RPS6KA2: variants seen among roughly 807,000 people sequenced by gnomAD.
RPS6KA2 encodes the protein ribosomal protein S6 kinase A2.
RPS6KA2 carries 42 observed loss-of-function variants against 91.8 expected under a neutral mutation model. The ratio of observed to expected loss-of-function variants is 0.46; its 90% CI spans 0.36 to 0.59. RPS6KA2 has a LOEUF of 0.59. RPS6KA2 is among the 20% of genes least tolerant of loss of function. The pLI is 0.00. For missense variants in RPS6KA2, 798 were observed against 978.5 expected (o/e 0.82, Z 2.46); for synonymous variants, 414 against 393.6 (o/e 1.05, Z -0.61).
chr6:166,672,429 T>C (rs966858039), intron 2 of RPS6KA2, among the ~76,000 whole-genome samples: 17 of 152,238 alleles, frequency 1.1e-4, no homozygotes, highest in African/African-American at 4.1e-4. Context: ...ACTGATTTCC[T>C]GACCTGTCCC....
rs1029253641 is a variant in RPS6KA2 at position 166,557,011 on chromosome 6, G to T, written c.100-18227C>A. 6.6e-6 allele frequency among the ~76,000 whole-genome samples: 1 copy of T among 152,264 alleles called. No individual in the cohort carries two copies. The highest frequency in any genetic ancestry group is 1.5e-5 in the Non-Finnish European group (1 of 68,044). The stretch of plus-strand genomic sequence containing the variant: ...CCACGAGTTCTCAGGCAAGTGCCAA[G>T]AAACCTGCATGCCAGCAACCAGACC... On this transcript the variant is annotated intron_variant, in intron 1 of 20. Coordinates refer to ENST00000265678, the MANE Select transcript of RPS6KA2 (RefSeq NM_021135.6). This position sits in a 1 kb window ranked among gnomAD's most constrained non-coding sequence, Gnocchi z 4.8.
At chr6:166,523,875 T>C (rs1583238050) in intron 3 of RPS6KA2, among the ~76,000 whole-genome samples, 1 of 151,838 alleles carries the variant, frequency 6.6e-6, no homozygotes, top group African/African-American at 2.4e-5. Context: ...TCCGAGGAGG[T>C]TCTATTTCAA....
chr6:166,487,476 G>A (rs1781450892), intron 10 of RPS6KA2, among the ~76,000 whole-genome samples: 1 of 150,132 alleles, frequency 6.7e-6, no homozygotes. Flanking sequence ...AATGAAAACA[G>A]GCTGAGTGGA....
chr6:166,799,606 T>A (rs1375495140), intron 2 of RPS6KA2, among the ~76,000 whole-genome samples: 9 of 52,370 alleles, frequency 1.7e-4, no homozygotes, highest in Admixed American at 1.2e-3. Context: ...TTTTTTTTTT[T>A]AAAAGGATGA....
chr6:166,605,567 C>G (rs896196450), intron 1 of RPS6KA2, among the ~76,000 whole-genome samples: 5 of 151,934 alleles, frequency 3.3e-5, no homozygotes, highest in Middle Eastern at 3.2e-3. Flanking sequence ...GACATTAGAA[C>G]AAAAAATTAG....
At chr6:166,625,918 G>T (rs3799566) in intron 1 of RPS6KA2, among the ~76,000 whole-genome samples, 25,436 of 152,102 alleles carry the variant, frequency 0.17, 2,159 homozygotes, top group East Asian at 0.22. Context: ...GTCTCTCAAT[G>T]GTTACAGAAC....
chr6:166,658,025 G>A (rs536767737), intron 2 of RPS6KA2, among the ~76,000 whole-genome samples: 1 of 152,298 alleles, frequency 6.6e-6, no homozygotes, highest in South Asian at 2.1e-4. Flanking sequence ...CTGGGATACA[G>A]GCATGTGCCA....
At chr6:166,511,354 T>A (rs1782474357) in intron 3 of RPS6KA2, among the ~76,000 whole-genome samples, 1 of 152,170 alleles carries the variant, frequency 6.6e-6, no homozygotes, top group Non-Finnish European at 1.5e-5. Flanking sequence ...GAACTGGAAA[T>A]CAAGAGGAAG....
rs753278082 is a variant in RPS6KA2, at chr6:166,538,793, G to A, written c.100-9C>T. 16 of 1,472,964 alleles carry A rather than the reference G, an allele frequency of 1.1e-5. No individual in the cohort carries two copies. In the South Asian group the frequency reaches 1.6e-4, roughly 15 times the overall value. 91.2% of individuals were successfully genotyped at this position (1,472,964 alleles called of 1,614,324 possible). ...TTCACGACGCCTTCTTCCTGCAAGA[G>A]AGCGGCACGGGTGAGAAACACACCG... On this transcript the variant is annotated splice_polypyrimidine_tract_variant and intron_variant, in intron 1 of 20. Transcript: ENST00000265678.
chr6:166,715,514 C>G (rs6928848), intron 2 of RPS6KA2, among the ~76,000 whole-genome samples: 32,403 of 152,188 alleles, frequency 0.21, 3,933 homozygotes, highest in African/African-American at 0.33. Flanking sequence ...ATTAATGGAA[C>G]AGAAAAATCC....
chr6:166,514,461 CCA>C (rs1254667696), intron 3 of RPS6KA2, among the ~76,000 whole-genome samples: 5 of 152,152 alleles, frequency 3.3e-5, no homozygotes, highest in Non-Finnish European at 5.9e-5. Context: ...CCGGGAGCCT[CCA>C]GGTGCTTGGG....
intron 2 of RPS6KA2, among the ~76,000 whole-genome samples, chr6:166,824,632 G>C (rs1391608979): frequency 1.5e-5 from 2 of 129,320 alleles, no homozygotes; most frequent in Non-Finnish European, 3.4e-5. Context: ...TGTCTATGTG[G>C]GTGTCTGTAT....
chr6:166,763,908 C>T (rs1778236465), intron 2 of RPS6KA2, among the ~76,000 whole-genome samples: 2 of 152,220 alleles, frequency 1.3e-5, no homozygotes, highest in African/African-American at 2.4e-5. Flanking sequence ...AGATCCATGA[C>T]GGCACGGCCG....
At chr6:166,427,882 A>G (rs1170991795) in intron 16 of RPS6KA2, among the ~76,000 whole-genome samples, 4 of 152,306 alleles carry the variant, frequency 2.6e-5, no homozygotes, top group Admixed American at 6.5e-5. Context: ...TGCCCAAGCT[A>G]ATTTATAGAT....
At chr6:166,839,246 C>G (rs73270716) in intron 2 of RPS6KA2, among the ~76,000 whole-genome samples, 7,866 of 152,170 alleles carry the variant, frequency 0.052, 705 homozygotes, top group African/African-American at 0.18. Context: ...CTGTAATTAG[C>G]TGGTTATGTT....
chr6:166,828,703 AG>A (rs1262562178), intron 2 of RPS6KA2, among the ~76,000 whole-genome samples: 2 of 152,252 alleles, frequency 1.3e-5, no homozygotes, highest in Non-Finnish European at 2.9e-5. Context: ...CCTAAATGTA[AG>A]ACCTACAACT....
At position 166,825,278 on chromosome 6, in the gene RPS6KA2, G is replaced by A. The variant is rs575412549; in HGVS notation, c.123+32922C>T. On this transcript the variant is annotated intron_variant, in intron 2 of 21. Transcript: ENST00000503859. The surrounding 1 kb of genome is among the most constrained non-coding windows in gnomAD (Gnocchi z 4.1). The stretch of plus-strand genomic sequence containing the variant: ...AATAAAAGGCAGGGCTGATGGTGCC[G>A]TGACTGCTGGGAATCCAGGGTACCC... Among the ~76,000 whole-genome samples the A allele has an allele frequency of 5.3e-5, 8 of 152,356 alleles. No individual in the cohort carries two copies. Among genetic ancestry groups the A allele is most frequent in the Admixed American group, 4.6e-4 (7 of 15,308 alleles).
In RPS6KA2 at chr6:166,448,563, G is replaced by A. The variant is rs1189790733; in HGVS notation, c.1332+161C>T. On this transcript the variant is annotated intron_variant, in intron 14 of 20. Transcript: ENST00000265678. This position sits in a 1 kb window ranked among gnomAD's most constrained non-coding sequence, Gnocchi z 4.7. The stretch of plus-strand genomic sequence containing the variant: ...AGCTGAGCACGTGAGCACATATGCT[G>A]TGCTCCTATGCTCCGTGCTCCCATG... Among the ~76,000 whole-genome samples, 1 of 152,172 alleles carries A rather than the reference G, an allele frequency of 6.6e-6. No individual in the cohort carries two copies. The highest frequency in any genetic ancestry group is 1.5e-5 in the Non-Finnish European group (1 of 68,022).
At position 166,423,804 on chromosome 6, in the gene RPS6KA2, T is replaced by G. The variant is rs778856845; in HGVS notation, c.1582-387A>C. 8 of 174,026 alleles carry G rather than the reference T, an allele frequency of 4.6e-5. No homozygotes were observed. Among genetic ancestry groups the G allele is most frequent in the Non-Finnish European group, 9.8e-5 (8 of 81,824 alleles). The allele number at this position is 174,026 out of a possible 1,614,324, so 10.8% of individuals were successfully genotyped here. ...ATATTCATTCAATAACTACTCCCTG[T>G]GTGCCCACCCCCATGCACTGTGAGG... is the stretch of plus-strand genomic sequence containing the variant. On this transcript the variant is annotated intron_variant, in intron 16 of 20. Transcript: ENST00000265678. This position sits in a 1 kb window ranked among gnomAD's most constrained non-coding sequence, Gnocchi z 4.8.
Sources: allele counts gnomAD v4.1 joint callset (sites outside exome capture counted in the v4.1 genomes callset), GRCh38; gene constraint gnomAD v4.1.1; non-coding constraint Gnocchi (gnomAD v3.1); transcripts MANE v1.5; gene names NCBI Gene and HGNC (gene_info 2026-07-23, HGNC 2026-07-21).